LARP1: variants seen among roughly 807,000 people sequenced by gnomAD.
LARP1 encodes the protein la-related protein 1.
Under a neutral mutation model 122.7 loss-of-function variants are expected in LARP1, and 36 were observed. That is an observed-to-expected ratio of 0.29 (90% confidence interval 0.22 to 0.39). The LOEUF (loss-of-function observed/expected upper bound fraction) is 0.39, where lower values mean the gene tolerates loss of function less well. Among genes scored for constraint, LARP1 ranks in the 10% least tolerant of loss-of-function variants. LARP1 has a pLI of 1.00. For missense variants in LARP1, 1,040 were observed against 1,403.6 expected (o/e 0.74, Z 4.14); for synonymous variants, 539 against 528.7 (o/e 1.02, Z -0.27).
intron 3 of LARP1, 114 bp from the exon 4 acceptor site, chr5:154,792,508 C>A: frequency 1.1e-6 from 1 of 896,112 alleles, no homozygotes; most frequent in Non-Finnish European, 1.8e-6. Context: ...TCCCATCCAG[C>A]CTGCCATTGC....
upstream of LARP1, among the ~76,000 whole-genome samples, chr5:154,752,014 T>C (rs1007724145): frequency 2.0e-5 from 3 of 152,202 alleles, no homozygotes; most frequent in Non-Finnish European, 2.9e-5. Flanking sequence ...CTCACTGTGT[T>C]GTCCAGGCTG....
chr5:154,715,793 A>G (rs1473421918), intron 1 of LARP1, among the ~76,000 whole-genome samples: 1 of 152,210 alleles, frequency 6.6e-6, no homozygotes, highest in Non-Finnish European at 1.5e-5. Context: ...GAATTCCTCC[A>G]ATTAGGAACT....
At chr5:154,749,468 G>A (rs376238457) in intron 1 of LARP1, among the ~76,000 whole-genome samples, 85 of 152,232 alleles carry the variant, frequency 5.6e-4, no homozygotes, top group African/African-American at 1.9e-3. Flanking sequence ...GAAAAGGATC[G>A]GCCTGGGGGT....
chr5:154,722,708 T>C (rs111288284), intron 1 of LARP1, among the ~76,000 whole-genome samples: 1,471 of 130,956 alleles, frequency 0.011, 25 homozygotes, highest in African/African-American at 0.04. Context: ...TGAGACGGAG[T>C]CTCACTCTAT....
chr5:154,714,213 GGATT>G (rs1484624930), intron 1 of LARP1, among the ~76,000 whole-genome samples: 2 of 152,110 alleles, frequency 1.3e-5, no homozygotes, highest in East Asian at 3.8e-4. Context: ...ATACATTTTG[GGATT>G]GATGAGGTAA....
intron 1 of LARP1, among the ~76,000 whole-genome samples, chr5:154,726,563 G>A (rs745368094): frequency 1.9e-4 from 29 of 152,150 alleles, no homozygotes; most frequent in Non-Finnish European, 3.5e-4. Flanking sequence ...CTGCATATAA[G>A]TACAATCTAT....
chr5:154,739,725 A>G (rs1186372642), intron 1 of LARP1, among the ~76,000 whole-genome samples: 1 of 152,166 alleles, frequency 6.6e-6, no homozygotes, highest in African/African-American at 2.4e-5. Flanking sequence ...AGGAAGCAGG[A>G]CAGGAAATAT....
At chr5:154,772,980 CTTTTTTTT>C (rs545991732) in intron 1 of LARP1, among the ~76,000 whole-genome samples, 3 of 115,110 alleles carry the variant, frequency 2.6e-5, no homozygotes, top group South Asian at 5.8e-4. Context: ...CGCACCTGGC[CTTTTTTTT>C]TTTTTTTTTT....
intron 15 of LARP1, 137 bp downstream of exon 15, chr5:154,806,169 A>C: frequency 1.1e-6 from 1 of 950,458 alleles, no homozygotes. Context: ...TTATAGCAAG[A>C]AAGACTGAAG....
At chr5:154,773,004 A>T (rs1427557336) in intron 1 of LARP1, among the ~76,000 whole-genome samples, 246 of 98,268 alleles carry the variant, frequency 2.5e-3, no homozygotes, top group South Asian at 8.9e-3. Flanking sequence ...TTTTTTTTTT[A>T]AAAGACCTTG....
chr5:154,796,188 T>A (rs1455718313), intron 8 of LARP1, among the ~76,000 whole-genome samples: 1 of 131,414 alleles, frequency 7.6e-6, no homozygotes, highest in Non-Finnish European at 1.6e-5. Context: ...TATATATATT[T>A]TATATATATA....
chr5:154,759,698 T>G (rs1311247771), intron 1 of LARP1, among the ~76,000 whole-genome samples: 1 of 152,148 alleles, frequency 6.6e-6, no homozygotes. Flanking sequence ...GATGGTTCAA[T>G]TTATGATTTT....
chr5:154,795,063 G>A, intron 7 of LARP1, 112 bp from the exon 8 acceptor site: 3 of 982,580 alleles, frequency 3.1e-6, no homozygotes, highest in Non-Finnish European at 3.2e-6. Context: ...TAAGGATGGG[G>A]TAGGTCAGAG....
In LARP1 at chr5:154,814,737, C is replaced by G. The variant is rs997722937; in HGVS notation, c.*641C>G. ...TTTGGGGGAAGGTTTCAGCCTCTCC[C>G]CACTCCCCTTGCCCCACACCCTTTA... On this transcript the variant is annotated 3_prime_UTR_variant, in exon 19 of 19. Coordinates refer to ENST00000518297, the MANE Select transcript of LARP1 (RefSeq NM_033551.3). 1 of 152,530 alleles carries G rather than the reference C, an allele frequency of 6.6e-6. No individual in the cohort carries two copies. Among genetic ancestry groups the G allele is most frequent in the South Asian group, 2.1e-4 (1 of 4,822 alleles). The allele number at this position is 152,530 out of a possible 1,614,324, so 9.4% of individuals were successfully genotyped here.
chr5:154,790,996 T>C (rs1757296712), intron 3 of LARP1, among the ~76,000 whole-genome samples: 1 of 151,880 alleles, frequency 6.6e-6, no homozygotes, highest in Non-Finnish European at 1.5e-5. Context: ...TGTGTATTTT[T>C]AGTAGAGACA....
At chr5:154,723,530 GGA>G (rs1485367621) in intron 1 of LARP1, among the ~76,000 whole-genome samples, 6 of 152,170 alleles carry the variant, frequency 3.9e-5, no homozygotes, top group African/African-American at 1.4e-4. Context: ...GTGGAGAAAG[GGA>G]GAGTTTGAAG....
chr5:154,718,674 G>A (rs969387897), intron 1 of LARP1: 3 of 152,270 alleles, frequency 2.0e-5, no homozygotes, highest in Non-Finnish European at 2.9e-5. Flanking sequence ...CAGAGGCATA[G>A]GCCATTGTGC....
chr5:154,717,128 G>C (rs995958514), intron 1 of LARP1, among the ~76,000 whole-genome samples: 9 of 151,612 alleles, frequency 5.9e-5, no homozygotes, highest in African/African-American at 2.2e-4. Flanking sequence ...TAAAAATCTA[G>C]AGTCTAACAT....
chr5:154,696,622 A>T (rs1054651644), intron 1 of LARP1, among the ~76,000 whole-genome samples: 1 of 152,208 alleles, frequency 6.6e-6, no homozygotes, highest in Non-Finnish European at 1.5e-5. Context: ...GAAAACAGGT[A>T]CACAGAGAGG....
Sources: gnomAD v4.1 joint callset for allele counts (sites outside exome capture counted in the v4.1 genomes callset) on GRCh38, gnomAD v4.1.1 for gene constraint, MANE v1.5 for transcripts, NCBI Gene and HGNC (gene_info 2026-07-23, HGNC 2026-07-21) for gene names.